Variants in FRMD4A observed in about 807,000 individuals in gnomAD.
The protein encoded by FRMD4A is FERM domain-containing protein 4A.
A neutral mutation model predicts 129.1 loss-of-function variants in FRMD4A; 29 were observed. That is an observed-to-expected ratio of 0.22 (90% CI 0.17 to 0.31). The LOEUF is 0.31. Ranked by LOEUF, FRMD4A falls within the 10% of genes least tolerant of loss-of-function variation. The probability of loss-of-function intolerance (pLI) is 1.00; values close to 1 mark genes in which losing one functional copy is unlikely to be tolerated. For missense variants in FRMD4A, 1,272 were observed against 1,375.8 expected (o/e 0.92, Z 1.19); for synonymous variants, 634 against 571.6 (o/e 1.11, Z -1.56).
At position 13,953,171 on chromosome 10, in the gene FRMD4A, C is replaced by A. The variant is rs532149052; in HGVS notation, c.46-94259G>T. 7.2e-5 allele frequency among the ~76,000 whole-genome samples: 11 copies of A among 152,292 alleles called. No individual in the cohort carries two copies. The South Asian group carries it at 2.1e-3, about 29-fold the overall frequency. The stretch of plus-strand genomic sequence containing the variant: ...ATGATAATGCCGTTTTCCTCCCAGG[C>A]TCTTCCATATAGATGCTCTTCCCCT... On this transcript the variant is annotated intron_variant, in intron 2 of 24. Transcript: ENST00000357447.
Position 13,822,568 on chromosome 10 carries a change from C to T in FRMD4A, c.112-11660G>A, listed in dbSNP as rs144780739. Among the ~76,000 whole-genome samples, 766 of 152,220 alleles carry T rather than the reference C, an allele frequency of 5.0e-3. 5 individuals are homozygous for T. The highest frequency in any genetic ancestry group is 5.0e-3 in the Non-Finnish European group (341 of 68,022). ...GGTGGCATATGCAGTTGTTCTACCA[C>T]GAGACAGGATGGAACCTGGACACCC... is the stretch of plus-strand genomic sequence containing the variant. On this transcript the variant is annotated intron_variant, in intron 3 of 24. Coordinates refer to ENST00000357447, the MANE Select transcript of FRMD4A (RefSeq NM_018027.5).
chr10:14,190,896 G>A (rs1222482294), intron 2 of FRMD4A, among the ~76,000 whole-genome samples: 1 of 152,168 alleles, frequency 6.6e-6, no homozygotes, highest in Non-Finnish European at 1.5e-5. Context: ...TTATCTATTC[G>A]TGATGCCTCC....
At chr10:13,938,367 G>A (rs557260606) in intron 2 of FRMD4A, among the ~76,000 whole-genome samples, 2 of 152,012 alleles carry the variant, frequency 1.3e-5, no homozygotes, top group South Asian at 4.2e-4. Context: ...TCAGCCTCCC[G>A]AATACCTAGG....
chr10:13,768,539 A>G (rs149683005), intron 6 of FRMD4A, among the ~76,000 whole-genome samples: 3 of 152,334 alleles, frequency 2.0e-5, no homozygotes, highest in African/African-American at 7.2e-5. Flanking sequence ...CAGTCTTTGC[A>G]AAGTCCACTC....
At position 13,890,455 on chromosome 10, in the gene FRMD4A, T is replaced by C. The variant is rs150022370; in HGVS notation, c.46-31543A>G. On this transcript the variant is annotated intron_variant, in intron 2 of 24. Transcript: ENST00000357447. ...GCGGTGCTTTCCCACAGATCAGTGA[T>C]GCTGTTGGAAAAGGACGACTTACGG... 9.2e-3 allele frequency: 8,028 copies of C among 872,032 alleles called. 40 individuals are homozygous for C. Among genetic ancestry groups the C allele is most frequent in the Non-Finnish European group, 0.01 (7,472 of 726,772 alleles). 54.0% of individuals were successfully genotyped at this position (872,032 alleles called of 1,614,324 possible). A position where few individuals can be genotyped will look rare whatever the true frequency, so the allele number is the denominator to read the frequency against.
chr10:13,787,918 A>C (rs980864350), intron 5 of FRMD4A, among the ~76,000 whole-genome samples: 2 of 151,708 alleles, frequency 1.3e-5, no homozygotes, highest in African/African-American at 4.8e-5. Flanking sequence ...TTTTCAGGAG[A>C]GCCTCAGCAG....
intron 20 of FRMD4A, 99 bp from the exon 21 acceptor site, chr10:13,659,589 G>C: frequency 8.1e-7 from 1 of 1,237,154 alleles, no homozygotes; most frequent in Non-Finnish European, 1.1e-6. Context: ...TGTGGGGAAA[G>C]CTCGCCCGTG....
intron 2 of FRMD4A, among the ~76,000 whole-genome samples, chr10:14,151,020 G>A (rs1244254977): frequency 6.6e-6 from 1 of 152,182 alleles, no homozygotes; most frequent in Non-Finnish European, 1.5e-5. Context: ...TGTGCTCAGA[G>A]TCTAAGATTG....
At chr10:14,170,696 C>T (rs1430080297) in intron 2 of FRMD4A, among the ~76,000 whole-genome samples, 1 of 152,196 alleles carries the variant, frequency 6.6e-6, no homozygotes, top group Non-Finnish European at 1.5e-5. Flanking sequence ...CATCCACTCT[C>T]TATTTACCGC....
chr10:13,943,520 T>C lies in FRMD4A; in HGVS notation c.46-84608A>G, dbSNP rs532976184. On this transcript the variant is annotated intron_variant, in intron 2 of 24. Coordinates refer to ENST00000357447, the MANE Select transcript of FRMD4A (RefSeq NM_018027.5). ...AAAATTAGCTGGGCGTGGTGGCACGTGCCTGTAGTCCCAGCTACTTGGGAG... is the reference window on the plus strand; with the variant it reads ...AAAATTAGCTGGGCGTGGTGGCACGCGCCTGTAGTCCCAGCTACTTGGGAG... Among the ~76,000 whole-genome samples, 80 of 150,284 alleles carry C rather than the reference T, an allele frequency of 5.3e-4. 3 individuals carry two copies. In the South Asian group the frequency reaches 0.016, roughly 30 times the overall value.
At chr10:13,785,438 A>G (rs1206111285) in intron 5 of FRMD4A, among the ~76,000 whole-genome samples, 1 of 152,076 alleles carries the variant, frequency 6.6e-6, no homozygotes, top group East Asian at 1.9e-4. Context: ...GTCTTATATC[A>G]CCAAGGTCTT....
intron 2 of FRMD4A, among the ~76,000 whole-genome samples, chr10:13,863,960 C>T (rs1055815510): frequency 2.0e-5 from 3 of 151,960 alleles, no homozygotes; most frequent in African/African-American, 4.8e-5. Flanking sequence ...TAGAATTTAA[C>T]GTTTGGCAAA....
chr10:14,010,765 C>A (rs1326783403), intron 2 of FRMD4A, among the ~76,000 whole-genome samples: 2 of 148,870 alleles, frequency 1.3e-5, no homozygotes, highest in Admixed American at 1.4e-4. Flanking sequence ...TCGCTTCGGC[C>A]CCCCAAAGTG....
At chr10:14,086,584 C>T (rs375125813) in intron 2 of FRMD4A, among the ~76,000 whole-genome samples, 8 of 152,164 alleles carry the variant, frequency 5.3e-5, no homozygotes, top group East Asian at 1.9e-4. Flanking sequence ...CAAAAGGTAA[C>T]GGCTCTTTCC....
chr10:14,259,788 G>A (rs561862620), intron 2 of FRMD4A, among the ~76,000 whole-genome samples: 2 of 152,228 alleles, frequency 1.3e-5, no homozygotes, highest in South Asian at 4.2e-4. Context: ...AAGGGACACG[G>A]CTCATTGTCA....
intron 19 of FRMD4A, among the ~76,000 whole-genome samples, chr10:13,661,012 G>T (rs1360878543): frequency 6.6e-6 from 1 of 152,152 alleles, no homozygotes; most frequent in East Asian, 1.9e-4. Flanking sequence ...CATAGTAGGT[G>T]CTTGATAACC....
chr10:14,064,648 G>T (rs1410693990), intron 2 of FRMD4A, among the ~76,000 whole-genome samples: 3 of 152,096 alleles, frequency 2.0e-5, no homozygotes, highest in African/African-American at 7.2e-5. Context: ...CGCGATCTCG[G>T]CTCACTGCAA....
At chr10:13,893,683 G>A (rs561852078) in intron 2 of FRMD4A, among the ~76,000 whole-genome samples, 7 of 152,030 alleles carry the variant, frequency 4.6e-5, no homozygotes, top group South Asian at 2.1e-4. Context: ...CACCATGCCC[G>A]GCTAATTTTT....
Position 13,967,300 on chromosome 10 carries a change from G to T in FRMD4A, c.46-108388C>A, listed in dbSNP as rs535728127. Among the ~76,000 whole-genome samples, 190 of 152,192 alleles carry T rather than the reference G, an allele frequency of 1.2e-3. 3 individuals are homozygous for T. The highest frequency in any genetic ancestry group is 4.2e-3 in the African/African-American group (175 of 41,506). On this transcript the variant is annotated intron_variant, in intron 2 of 24. Transcript: ENST00000357447. ...TGCGGTGAGCTGAGATCGCGCCACT[G>T]CACTCCAGCCTGGGCGACAGAGCGA...
Sources: gnomAD v4.1 joint callset for allele counts (sites outside exome capture counted in the v4.1 genomes callset) on GRCh38, gnomAD v4.1.1 for gene constraint, MANE v1.5 for transcripts, NCBI Gene and HGNC (gene_info 2026-07-23, HGNC 2026-07-21) for gene names.